The following ARHGAP8 variants were observed in gnomAD, a reference collection of about 807,000 sequenced individuals.
ARHGAP8 encodes Rho GTPase activating protein 8, also known as rho GTPase-activating protein 8.
ARHGAP8 carries 62 observed loss-of-function variants against 46.1 expected under a neutral mutation model. That is an observed-to-expected ratio of 1.34 (90% CI 1.10 to 1.66). The LOEUF is 1.66. Ranked by LOEUF, ARHGAP8 falls within the 40% of genes most tolerant of loss-of-function variation. ARHGAP8 has a pLI of 0.00. For synonymous variants in ARHGAP8, 375 were observed against 243.1 expected, an observed-to-expected ratio of 1.54 and a Z score of -5.05; for missense variants, 923 against 568.4, an observed-to-expected ratio of 1.62 and a Z score of -6.34.
rs1274759398 is a variant in ARHGAP8 at position 44,862,403 on chromosome 22, T to G, written c.1110T>G (p.Thr370=). ...CCCTTGTGCCCCTGAACATGTTCAC[T>G]GAACTGCTGATCGAGTACTATGAAA... ...LSALVPLNMF[T]ELLIEYYEKI... The change falls in exon 12 of 12, where the codon ACT becomes ACG. Residue 370 remains threonine, a synonymous_variant. Transcript: ENST00000356099. 6.2e-7 allele frequency: 1 copy of G among 1,614,034 alleles called. No individual in the cohort carries two copies. The highest frequency in any genetic ancestry group is 8.5e-7 in the Non-Finnish European group (1 of 1,180,020).
chr22:44,767,936 T>C (rs544468849), intron 1 of ARHGAP8, among the ~76,000 whole-genome samples: 1 of 146,668 alleles, frequency 6.8e-6, no homozygotes, highest in Non-Finnish European at 1.5e-5. Flanking sequence ...CCAATTGTCC[T>C]GTAGAATGTC....
intron 4 of ARHGAP8, chr22:44,808,640 A>T (rs115623315): frequency 0.082 from 66,204 of 805,886 alleles, 2,946 homozygotes; most frequent in African/African-American, 0.21. Context: ...GTTGGCACTC[A>T]TTTTTTTTTT....
intron 4 of ARHGAP8, among the ~76,000 whole-genome samples, chr22:44,812,520 C>A (rs1259820226): frequency 6.6e-6 from 1 of 151,896 alleles, no homozygotes; most frequent in Non-Finnish European, 1.5e-5. Context: ...CCACGCCCGG[C>A]TAATTTTTGT....
chr22:44,849,074 C>T lies in ARHGAP8; in HGVS notation c.877+14C>T. On this transcript the variant is annotated intron_variant, in intron 10 of 11. Transcript: ENST00000356099. ...TCGGGATCACCTGTGCGTAGCTGCC[C>T]TGGCGCAGGGGTGGGGGGCTTGGTC... 6.2e-7 allele frequency: 1 copy of T among 1,613,502 alleles called. No individual in the cohort carries two copies. Among genetic ancestry groups the T allele is most frequent in the South Asian group, 1.1e-5 (1 of 91,072 alleles).
chr22:44,859,169 T>G (rs889195026), intron 10 of ARHGAP8, among the ~76,000 whole-genome samples: 3 of 152,134 alleles, frequency 2.0e-5, no homozygotes, highest in African/African-American at 7.2e-5. Flanking sequence ...GGATGGAGCT[T>G]GTAGAATTCA....
rs1491303542 is a variant in ARHGAP8 at position 44,827,337 on chromosome 22, T to TTTTTTTG, written c.596+1750_596+1751insGTTTTTT. Reference sequence around the variant, plus strand: ...GTGAGATAATACATTTGGGTGGTGGTTTTTTTTTTTTTTTTTTTTTTTTTT... The same window carrying TTTTTTTG: ...GTGAGATAATACATTTGGGTGGTGGTTTTTTTGTTTTTTTTTTTTTTTTTTTTTTTTT... On this transcript the variant is annotated intron_variant, in intron 7 of 11. Coordinates refer to ENST00000356099, the MANE Select transcript of ARHGAP8 (RefSeq NM_181335.3). Among the ~76,000 whole-genome samples the TTTTTTTG allele has an allele frequency of 1.4e-3, 13 of 9,516 alleles. 1 individual carries two copies. The highest frequency in any genetic ancestry group is 5.0e-3 in the African/African-American group (13 of 2,618). 6.2% of individuals were successfully genotyped at this position (9,516 alleles called of 152,430 possible).
chr22:44,790,726 C>CT (rs1927612773), intron 2 of ARHGAP8, among the ~76,000 whole-genome samples: 1 of 127,332 alleles, frequency 7.9e-6, no homozygotes, highest in Admixed American at 8.3e-5. Flanking sequence ...GGGAAAGAAC[C>CT]TGGCCGTTTT....
At chr22:44,843,925 A>C (rs1019962290) in intron 7 of ARHGAP8, among the ~76,000 whole-genome samples, 1 of 152,174 alleles carries the variant, frequency 6.6e-6, no homozygotes, top group Non-Finnish European at 1.5e-5. Context: ...AATATGTATA[A>C]TGTAAAACTA....
chr22:44,790,654 C>A (rs151297440), intron 2 of ARHGAP8, among the ~76,000 whole-genome samples: 3,334 of 87,792 alleles, frequency 0.038, 50 homozygotes, highest in South Asian at 0.063. Context: ...CCAGCCTGGA[C>A]AACAAGAGCA....
chr22:44,784,851 G>A lies in ARHGAP8; in HGVS notation c.-71-1606G>A, dbSNP rs549826101. Among the ~76,000 whole-genome samples the A allele has an allele frequency of 2.6e-5, 4 of 152,322 alleles. No individual in the cohort carries two copies. In the East Asian group the frequency reaches 5.8e-4, roughly 22 times the overall value. Reference sequence around the variant, plus strand: ...GGAAAGTGTTCTTGGCACATAGTAGGTACTCAATGCATATTTGTTGACTGA... The same window carrying A: ...GGAAAGTGTTCTTGGCACATAGTAGATACTCAATGCATATTTGTTGACTGA... On this transcript the variant is annotated intron_variant, in intron 1 of 11. Transcript: ENST00000356099.
intron 7 of ARHGAP8, among the ~76,000 whole-genome samples, chr22:44,844,208 G>A (rs2069900021): frequency 6.6e-6 from 1 of 152,042 alleles, no homozygotes; most frequent in South Asian, 2.1e-4. Flanking sequence ...CTGACCTCGT[G>A]GTCTGTCCAC....
chr22:44,839,674 C>T (rs773799636), intron 7 of ARHGAP8, among the ~76,000 whole-genome samples: 15 of 152,248 alleles, frequency 9.9e-5, no homozygotes, highest in Middle Eastern at 3.4e-3. Flanking sequence ...GCTCATGAAA[C>T]GATGGTGGAA....
chr22:44,826,679 G>T (rs1019403934), intron 7 of ARHGAP8, among the ~76,000 whole-genome samples: 1 of 152,160 alleles, frequency 6.6e-6, no homozygotes, highest in East Asian at 1.9e-4. Context: ...ACCCCTCTCA[G>T]CCTCCCAAAG....
At position 44,842,091 on chromosome 22, in the gene ARHGAP8, G is replaced by T. The variant is rs538377275; in HGVS notation, c.597-3178G>T. Reference sequence around the variant, plus strand: ...AACCAGGCACAGGCTTAGCGCAGTGGCTCATGCCTATAATCCCAGCACTTT... The same window carrying T: ...AACCAGGCACAGGCTTAGCGCAGTGTCTCATGCCTATAATCCCAGCACTTT... On this transcript the variant is annotated intron_variant, in intron 7 of 11. Transcript: ENST00000356099. Among the ~76,000 whole-genome samples the T allele has an allele frequency of 3.1e-4, 47 of 152,348 alleles. 1 individual carries two copies. The South Asian group carries it at 9.1e-3, about 30-fold the overall frequency.
chr22:44,831,990 G>A (rs1362391568), intron 7 of ARHGAP8, among the ~76,000 whole-genome samples: 2 of 151,932 alleles, frequency 1.3e-5, no homozygotes, highest in Non-Finnish European at 2.9e-5. Flanking sequence ...GTTAATTTCT[G>A]TAAAAGGCAG....
chr22:44,823,732 C>G (rs1430361940), intron 6 of ARHGAP8, among the ~76,000 whole-genome samples: 1 of 152,124 alleles, frequency 6.6e-6, no homozygotes, highest in African/African-American at 2.4e-5. Flanking sequence ...AAGGGTAACT[C>G]ACATCCTCCT....
At chr22:44,834,454 T>A (rs966879209) in intron 7 of ARHGAP8, among the ~76,000 whole-genome samples, 1 of 152,174 alleles carries the variant, frequency 6.6e-6, no homozygotes, top group African/African-American at 2.4e-5. Flanking sequence ...TTTATTTTAT[T>A]ATAATTAGAT....
At chr22:44,773,422 A>G (rs1378739142) in intron 1 of ARHGAP8, among the ~76,000 whole-genome samples, 1 of 152,204 alleles carries the variant, frequency 6.6e-6, no homozygotes, top group African/African-American at 2.4e-5. Flanking sequence ...ACATGCATTT[A>G]TATAGTAATA....
At position 44,859,738 on chromosome 22, in the gene ARHGAP8, G is replaced by T. The variant is rs147598722; in HGVS notation, c.885G>T (p.Glu295Asp). ...AGCCCCATGCCCTTCCAGGTGTGGA[G>T]AGCAGCCTGCGTGTCACTGGCTGCC... ...YEQILGITCVESSLRVTGCRQ... is the reference protein window; with the variant it reads ...YEQILGITCVDSSLRVTGCRQ... The change falls in exon 11 of 12, where the codon GAG becomes GAT. Residue 295 changes from glutamate (E) to aspartate (D), a missense_variant. Glu to Asp is a conservative substitution (Grantham distance 45, BLOSUM62 2). Transcript: ENST00000356099. 1.2e-6 allele frequency: 2 copies of T among 1,613,660 alleles called. No homozygotes were observed. The highest frequency in any genetic ancestry group is 2.2e-5 in the East Asian group (1 of 44,886).
Sources: allele counts gnomAD v4.1 joint callset (sites outside exome capture counted in the v4.1 genomes callset), GRCh38; gene constraint gnomAD v4.1.1; transcripts MANE v1.5; gene names NCBI Gene and HGNC (gene_info 2026-07-23, HGNC 2026-07-21).